The following GOSR2 variants were observed in gnomAD, a reference collection of about 807,000 sequenced individuals.
GOSR2 encodes 27 kDa Golgi SNARE protein.
GOSR2 carries 20 observed loss-of-function variants against 27.9 expected under a neutral mutation model. The observed-to-expected ratio is 0.72, with a 90% CI of 0.50 to 1.04. GOSR2 has a LOEUF of 1.04. Ranked by LOEUF, GOSR2 falls within the 50% of genes least tolerant of loss-of-function variation. The probability of loss-of-function intolerance (pLI) is 0.00; values close to 1 mark genes in which losing one functional copy is unlikely to be tolerated. For synonymous variants in GOSR2, 91 were observed against 98.8 expected, an observed-to-expected ratio of 0.92 and a Z score of 0.47; for missense variants, 261 against 270.5, an observed-to-expected ratio of 0.97 and a Z score of 0.25.
In GOSR2 at chr17:46,935,311, C is replaced by G. The variant is rs746463014; in HGVS notation, c.477+142C>G. ...AGACAGAGCCCTTGAGTTTGGGATC[C>G]TTTCTGTTGGAGTTGAGTTATTGTG... On this transcript the variant is annotated intron_variant, in intron 5 of 5. Coordinates refer to ENST00000640051, the MANE Select transcript of GOSR2 (RefSeq NM_004287.5). 23 of 1,533,588 alleles carry G rather than the reference C, an allele frequency of 1.5e-5. No individual in the cohort carries two copies. In the Admixed American group the frequency reaches 4.7e-4, roughly 31 times the overall value. The allele number at this position is 1,533,588 out of a possible 1,614,324, so 95.0% of individuals were successfully genotyped here. A position where few individuals can be genotyped will look rare whatever the true frequency, so the allele number is the denominator to read the frequency against.
intron 1 of GOSR2, among the ~76,000 whole-genome samples, chr17:46,924,627 G>A (rs1454139198): frequency 6.6e-6 from 1 of 152,118 alleles, no homozygotes; most frequent in African/African-American, 2.4e-5. Flanking sequence ...TAAGTTTATG[G>A]GTTTCTTTTA....
chr17:46,958,286 A>G (rs183212081), intron 6 of GOSR2, among the ~76,000 whole-genome samples: 8 of 152,350 alleles, frequency 5.3e-5, no homozygotes, highest in Non-Finnish European at 1.0e-4. Flanking sequence ...CCAAATAAGG[A>G]GAAATATGGG....
chr17:46,924,096 C>T (rs916802783), intron 1 of GOSR2, among the ~76,000 whole-genome samples: 11 of 152,208 alleles, frequency 7.2e-5, no homozygotes, highest in Admixed American at 1.3e-4. Flanking sequence ...TTCATCATCC[C>T]AGTGTGCCTG....
Position 46,931,108 on chromosome 17 carries a change from A to T in GOSR2, c.104A>T (p.Asn35Ile), listed in dbSNP as rs148962223. ...ADKQSVHIVE[N>I]EIQASIDQIF... ...TTTCTTTTTTGTACAGTAGTAGAAA[A>T]CGAAATCCAAGCAAGCATAGACCAG... The change falls in exon 3 of 6, where the codon AAC becomes ATC. Residue 35 changes from asparagine to isoleucine, a missense_variant. Transcript: ENST00000640051. 6.3e-7 allele frequency: 1 copy of T among 1,583,866 alleles called. No individual in the cohort carries two copies. Among genetic ancestry groups the T allele is most frequent in the Non-Finnish European group, 8.7e-7 (1 of 1,152,788 alleles).
At chr17:46,963,841 G>A (rs956944233) in intron 6 of GOSR2, 7 of 152,132 alleles carry the variant, frequency 4.6e-5, no homozygotes, top group Admixed American at 6.6e-5. Flanking sequence ...AAAGAGAATA[G>A]CATCTTGCTC....
intron 5 of GOSR2, chr17:46,936,305 T>C (rs2088336730): frequency 4.1e-6 from 4 of 985,216 alleles, no homozygotes; most frequent in Non-Finnish European, 4.8e-6. Context: ...GTCACACTGA[T>C]GAAGAGCCAG....
In GOSR2 at chr17:46,940,196, A is replaced by T; in HGVS notation, c.*1436A>T. The T allele has an allele frequency of 7.2e-7, 1 of 1,387,326 alleles. No homozygotes were observed. The highest frequency in any genetic ancestry group is 1.7e-5 in the South Asian group (1 of 60,378). The allele number at this position is 1,387,326 out of a possible 1,614,324, so 85.9% of individuals were successfully genotyped here. On this transcript the variant is annotated 3_prime_UTR_variant, in exon 6 of 6. Coordinates refer to ENST00000640051, the MANE Select transcript of GOSR2 (RefSeq NM_004287.5). ...CTCTGTGGCATAGCTCCCCTTTGGT[A>T]AGTTTTCTTAATTGTCATAGATTAA...
intron 6 of GOSR2, among the ~76,000 whole-genome samples, chr17:46,958,393 A>T (rs1429195199): frequency 1.3e-5 from 2 of 152,234 alleles, no homozygotes; most frequent in Non-Finnish European, 2.9e-5. Flanking sequence ...AGCAAAGAAG[A>T]CTGGGGGTGG....
intron 6 of GOSR2, chr17:46,964,674 CACA>C (rs2091235228): frequency 6.6e-6 from 1 of 152,244 alleles, no homozygotes; most frequent in Admixed American, 6.5e-5. Flanking sequence ...TCCAAGGTCA[CACA>C]ACAAGTCAGT....
At chr17:46,947,122 G>T (rs561278243) in intron 6 of GOSR2, among the ~76,000 whole-genome samples, 4 of 152,182 alleles carry the variant, frequency 2.6e-5, no homozygotes, top group African/African-American at 9.6e-5. Flanking sequence ...TGTGGAGGAA[G>T]GCCAGGGGAC....
intron 6 of GOSR2, chr17:46,966,473 G>C (rs930703635): frequency 7.7e-6 from 5 of 648,220 alleles, no homozygotes; most frequent in African/African-American, 7.2e-5. Flanking sequence ...TCAGCCTCCA[G>C]GGTAGTTGGA....
chr17:46,939,010 T>C lies in GOSR2; in HGVS notation c.*250T>C. On this transcript the variant is annotated 3_prime_UTR_variant, in exon 6 of 6. Transcript: ENST00000640051. ...GAAGTCCCGGGTCTGTCTCTCTCAC[T>C]CTCGCTCTCACTGGGGGAGGGAAAG... is the stretch of plus-strand genomic sequence containing the variant. The C allele has an allele frequency of 7.5e-7, 1 of 1,335,630 alleles. No homozygotes were observed. The highest frequency in any genetic ancestry group is 2.7e-5 in the Admixed American group (1 of 36,784). 82.7% of individuals were successfully genotyped at this position (1,335,630 alleles called of 1,614,324 possible). A position where few individuals can be genotyped will look rare whatever the true frequency, so the allele number is the denominator to read the frequency against.
chr17:46,932,318 C>T, intron 4 of GOSR2, 119 bp downstream of exon 4: 1 of 1,176,970 alleles, frequency 8.5e-7, no homozygotes, highest in Non-Finnish European at 1.3e-6. Flanking sequence ...ATGAGGAAAC[C>T]AACTGGAAAT....
At chr17:46,936,719 C>G (rs1289434086) in intron 5 of GOSR2, 1 of 984,606 alleles carries the variant, frequency 1.0e-6, no homozygotes, top group Non-Finnish European at 1.2e-6. Context: ...ATGAAATAAT[C>G]TGTGTGTTCA....
intron 6 of GOSR2, among the ~76,000 whole-genome samples, chr17:46,961,643 C>T (rs754499684): frequency 7.2e-5 from 11 of 151,992 alleles, no homozygotes; most frequent in Admixed American, 5.2e-4. Context: ...AGATGAAATA[C>T]GTCTGTAAAA....
chr17:46,963,522 C>T (rs1313783194), intron 6 of GOSR2, among the ~76,000 whole-genome samples: 6 of 139,314 alleles, frequency 4.3e-5, no homozygotes, highest in African/African-American at 1.1e-4. Context: ...CCAGCCTGGG[C>T]GACAGAGTGA....
chr17:46,939,585 A>AT lies in GOSR2; in HGVS notation c.*829dup, dbSNP rs1404667767. The stretch of plus-strand genomic sequence containing the variant: ...AAGTAGCTGTAGGCAAAGATTTGTG[A>AT]TTTTCCAATTACAGTCTCAGCTCTA... On this transcript the variant is annotated 3_prime_UTR_variant, in exon 6 of 6. Coordinates refer to ENST00000640051, the MANE Select transcript of GOSR2 (RefSeq NM_004287.5). 5 of 985,222 alleles carry AT rather than the reference A, an allele frequency of 5.1e-6. No individual in the cohort carries two copies. The Admixed American group carries it at 2.5e-4, about 48-fold the overall frequency. The allele number at this position is 985,222 out of a possible 1,614,324, so 61.0% of individuals were successfully genotyped here. A position where few individuals can be genotyped will look rare whatever the true frequency, so the allele number is the denominator to read the frequency against.
rs774297006 is a variant in GOSR2 at position 46,931,251 on chromosome 17, C to T, written c.203+44C>T. On this transcript the variant is annotated intron_variant, in intron 3 of 5. Coordinates refer to ENST00000640051, the MANE Select transcript of GOSR2 (RefSeq NM_004287.5). The stretch of plus-strand genomic sequence containing the variant: ...CATGGCTCTGATACTCCAGGCCCAT[C>T]AAGACAGGCTTTTCTCCCTGGGGGA... The T allele has an allele frequency of 1.2e-5, 11 of 923,796 alleles. No individual in the cohort carries two copies. The Admixed American group carries it at 1.9e-4, about 16-fold the overall frequency. The allele number at this position is 923,796 out of a possible 1,614,324, so 57.2% of individuals were successfully genotyped here. A position where few individuals can be genotyped will look rare whatever the true frequency, so the allele number is the denominator to read the frequency against.
chr17:46,942,757 T>C (rs1414198228), downstream of GOSR2, among the ~76,000 whole-genome samples: 1 of 152,194 alleles, frequency 6.6e-6, no homozygotes, highest in Non-Finnish European at 1.5e-5. Context: ...CACACTGCCT[T>C]AGGCCTGCTG....
Sources: gnomAD v4.1 joint callset for allele counts (sites outside exome capture counted in the v4.1 genomes callset) on GRCh38, gnomAD v4.1.1 for gene constraint, MANE v1.5 for transcripts, NCBI Gene and HGNC (gene_info 2026-07-23, HGNC 2026-07-21) for gene names.